Variants in LAMA2 observed in about 807,000 individuals in gnomAD.
LAMA2 encodes laminin subunit alpha-2.
Under a neutral mutation model 364.8 loss-of-function variants are expected in LAMA2, and 269 were observed. That is an observed-to-expected ratio of 0.74 (90% confidence interval 0.67 to 0.82). The LOEUF is 0.82. LAMA2 is among the 40% of genes least tolerant of loss of function. LAMA2 has a pLI of 0.00. For missense variants in LAMA2, 3,807 were observed against 3,873.2 expected (o/e 0.98, Z 0.45); for synonymous variants, 1,379 against 1,370.6 (o/e 1.01, Z -0.14).
Position 129,320,434 on chromosome 6 carries a change from A to C in LAMA2, c.4059-104A>C, listed in dbSNP as rs1774892117. The C allele has an allele frequency of 1.5e-5, 12 of 782,246 alleles. No individual in the cohort carries two copies. In the East Asian group the frequency reaches 2.9e-4, roughly 19 times the overall value. 48.5% of individuals were successfully genotyped at this position (782,246 alleles called of 1,614,324 possible). ...ACAAAAAGACAATAGAACATACTTGAGGTTGACAAAAACGTGAGAAGGATA... is the reference window on the plus strand; with the variant it reads ...ACAAAAAGACAATAGAACATACTTGCGGTTGACAAAAACGTGAGAAGGATA... On this transcript the variant is annotated intron_variant, in intron 27 of 64. Transcript: ENST00000421865.
rs1238680200 is a variant in LAMA2 at position 128,906,902 on chromosome 6, C to G, written c.112+23545C>G. Among the ~76,000 whole-genome samples, 61 of 151,498 alleles carry G rather than the reference C, an allele frequency of 4.0e-4. 1 individual carries two copies. Among genetic ancestry groups the G allele is most frequent in the African/African-American group, 1.3e-3 (54 of 41,220 alleles). The stretch of plus-strand genomic sequence containing the variant: ...ATTTATTAAATAGGGAATCCTTTCC[C>G]CATTGCTTGTTTTTCTCAGGTTTGT... On this transcript the variant is annotated intron_variant, in intron 1 of 64. Coordinates refer to ENST00000421865, the MANE Select transcript of LAMA2 (RefSeq NM_000426.4).
intron 58 of LAMA2, among the ~76,000 whole-genome samples, chr6:129,499,273 T>A (rs117866376): frequency 0.019 from 2,847 of 152,288 alleles, 35 homozygotes; most frequent in Non-Finnish European, 0.032. Flanking sequence ...AATTTTTTTT[T>A]TTATTATTAT....
chr6:129,280,257 A>G (rs1788631516), intron 18 of LAMA2, 110 bp downstream of exon 18: 3 of 740,712 alleles, frequency 4.1e-6, no homozygotes, highest in East Asian at 2.6e-5. Context: ...GCCACACTCA[A>G]TGAGGTGAAA....
chr6:128,906,685 G>C (rs1416785352), intron 1 of LAMA2, among the ~76,000 whole-genome samples: 1 of 152,034 alleles, frequency 6.6e-6, no homozygotes, highest in Non-Finnish European at 1.5e-5. Context: ...ATTGCTTTTG[G>C]TGTTTTAGAC....
intron 1 of LAMA2, among the ~76,000 whole-genome samples, chr6:129,006,954 C>T (rs1784477998): frequency 6.6e-6 from 1 of 152,126 alleles, no homozygotes; most frequent in Non-Finnish European, 1.5e-5. Context: ...AACATGTCCT[C>T]ACCTTTTAAG....
At chr6:129,356,561 G>A (rs1246251412) in intron 32 of LAMA2, among the ~76,000 whole-genome samples, 1 of 152,016 alleles carries the variant, frequency 6.6e-6, no homozygotes, top group Non-Finnish European at 1.5e-5. Context: ...CTTTTCAGTA[G>A]ATCCGTGATT....
intron 1 of LAMA2, among the ~76,000 whole-genome samples, chr6:128,973,220 A>G (rs1405675534): frequency 6.6e-6 from 1 of 152,216 alleles, no homozygotes; most frequent in Admixed American, 6.5e-5. Context: ...GGCTCCAGTG[A>G]TAATGAGCCC....
Position 128,883,375 on chromosome 6 carries a change from G to T in LAMA2, c.112+18G>T. The T allele has an allele frequency of 6.4e-7, 1 of 1,574,362 alleles. No homozygotes were observed. The highest frequency in any genetic ancestry group is 8.6e-7 in the Non-Finnish European group (1 of 1,160,236). ...GCAAAGAGGTACAGTCGAGGCATGG[G>T]CTTGGGTTGCATCCTTTGCCGGGAC... On this transcript the variant is annotated intron_variant, in intron 1 of 64. Coordinates refer to ENST00000421865, the MANE Select transcript of LAMA2 (RefSeq NM_000426.4).
At chr6:128,979,302 C>T (rs1243173659) in intron 1 of LAMA2, among the ~76,000 whole-genome samples, 1 of 152,108 alleles carries the variant, frequency 6.6e-6, no homozygotes, top group African/African-American at 2.4e-5. Context: ...GCCTTATTTC[C>T]CAATGTCTCC....
At chr6:129,339,671 G>T (rs1776147392) in intron 29 of LAMA2, among the ~76,000 whole-genome samples, 1 of 152,168 alleles carries the variant, frequency 6.6e-6, no homozygotes, top group African/African-American at 2.4e-5. Flanking sequence ...AATTCGAGTA[G>T]CCGCAGAAGT....
Position 129,143,936 on chromosome 6 carries a change from C to A in LAMA2, c.675C>A (p.Ala225=). 2 of 1,610,814 alleles carry A rather than the reference C, an allele frequency of 1.2e-6. No individual in the cohort carries two copies. Among genetic ancestry groups the A allele is most frequent in the Non-Finnish European group, 1.7e-6 (2 of 1,177,606 alleles). ...HISLINGRPS[A]DDPSPELLEF... ...CTTTAATCAATGGGAGACCAAGTGC[C>A]GATGATCCTTCTCCAGAACTGCTAG... Residue 225 remains alanine, a synonymous_variant, in exon 5 of 65, where the codon GCC becomes GCA. Transcript: ENST00000421865.
At chr6:129,113,182 T>A (rs1025631818) in intron 4 of LAMA2, among the ~76,000 whole-genome samples, 1 of 152,076 alleles carries the variant, frequency 6.6e-6, no homozygotes, top group Non-Finnish European at 1.5e-5. Context: ...AATGGGAGGG[T>A]CACTCTTTAA....
chr6:129,291,786 A>T (rs778090187), intron 20 of LAMA2, 66 bp downstream of exon 20: 6 of 990,918 alleles, frequency 6.1e-6, no homozygotes, highest in Non-Finnish European at 9.7e-6. Flanking sequence ...TTTTCATGAC[A>T]TGTTTTGTAT....
At position 129,505,261 on chromosome 6, in the gene LAMA2, C is replaced by T. The variant is rs375980229; in HGVS notation, c.8609C>T (p.Thr2870Ile). Residue 2870 changes from threonine (T) to isoleucine (I), a missense_variant, in exon 61 of 65, where the codon ACC becomes ATC. Thr to Ile is a moderately conservative substitution (Grantham distance 89, BLOSUM62 -1). Transcript: ENST00000421865. ...TATGTAGATGGGGCTTCCAACAGAA[C>T]CATCAGTCCCAAAAAAGCCGACATC... The part of the protein sequence containing the change: ...ILYVDGASNR[T>I]ISPKKADILD... 33 of 1,613,506 alleles carry T rather than the reference C, an allele frequency of 2.0e-5. No homozygotes were observed. The highest frequency in any genetic ancestry group is 2.8e-5 in the Non-Finnish European group (33 of 1,179,604).
chr6:129,168,591 G>C (rs1357155802), intron 9 of LAMA2, among the ~76,000 whole-genome samples: 14 of 148,480 alleles, frequency 9.4e-5, no homozygotes, highest in Non-Finnish European at 1.6e-4. Flanking sequence ...TTTGAAGTCA[G>C]GTAGTGTGAT....
chr6:128,906,399 T>G (rs1777471401), intron 1 of LAMA2, among the ~76,000 whole-genome samples: 1 of 129,042 alleles, frequency 7.7e-6, no homozygotes, highest in Non-Finnish European at 1.6e-5. Context: ...TGATGAGCAT[T>G]TTTTCATGTG....
chr6:129,121,970 T>A (rs1242536606), intron 4 of LAMA2, among the ~76,000 whole-genome samples: 1 of 152,200 alleles, frequency 6.6e-6, no homozygotes, highest in Non-Finnish European at 1.5e-5. Context: ...AAATTTGTGA[T>A]TATGACTCAT....
intron 1 of LAMA2, among the ~76,000 whole-genome samples, chr6:128,942,972 C>T (rs984701449): frequency 6.6e-6 from 1 of 152,184 alleles, no homozygotes; most frequent in Non-Finnish European, 1.5e-5. Context: ...CTCAGATGTC[C>T]TCTATAAGAC....
chr6:129,512,338 A>T (rs774905761), intron 62 of LAMA2, 25 bp from the exon 63 acceptor site: 5 of 1,611,424 alleles, frequency 3.1e-6, no homozygotes, highest in Non-Finnish European at 4.2e-6. Context: ...CTAATCCAAA[A>T]TATTTTAAAA....
Sources: allele counts gnomAD v4.1 joint callset (sites outside exome capture counted in the v4.1 genomes callset), GRCh38; gene constraint gnomAD v4.1.1; transcripts MANE v1.5; gene names NCBI Gene and HGNC (gene_info 2026-07-23, HGNC 2026-07-21).